The following NETO1 variants were observed in gnomAD, a reference collection of about 807,000 sequenced individuals.
NETO1 encodes the protein neuropilin and tolloid-like protein 1.
NETO1 carries 26 observed loss-of-function variants against 61.3 expected under a neutral mutation model. The ratio of observed to expected loss-of-function variants is 0.42; its 90% CI spans 0.31 to 0.59. The LOEUF is 0.59. Among genes scored for constraint, NETO1 ranks in the 20% least tolerant of loss-of-function variants. The pLI, the probability that NETO1 is intolerant of heterozygous loss-of-function variation, is 0.12. For synonymous variants in NETO1, 225 were observed against 225.8 expected (o/e 1.00, Z 0.03); for missense variants, 531 against 662.8 (o/e 0.80, Z 2.18).
intron 4 of NETO1, among the ~76,000 whole-genome samples, chr18:72,846,211 T>A (rs1437945355): frequency 6.6e-6 from 1 of 150,748 alleles, no homozygotes; most frequent in Admixed American, 6.6e-5. Flanking sequence ...GAGTTGTCAA[T>A]AAAAGAGATG....
rs2074785178 is a variant in NETO1, at chr18:72,867,760, ACGGCAGCGACGGAGCGGG to A, written c.-487_-470del. The A allele has an allele frequency of 6.5e-6, 1 of 154,872 alleles. No homozygotes were observed. The highest frequency in any genetic ancestry group is 1.4e-5 in the Non-Finnish European group (1 of 72,954). The allele number at this position is 154,872 out of a possible 1,614,324, so 9.6% of individuals were successfully genotyped here. ...GCGAGGTGGGGGCCAGTCCAGACCG[ACGGCAGCGACGGAGCGGG>A]CGGCGGCGGCGGCGCCGGCGGCGGC... On this transcript the variant is annotated 5_prime_UTR_variant, in exon 1 of 11. Transcript: ENST00000327305.
chr18:72,802,355 G>A (rs919233095), intron 4 of NETO1, among the ~76,000 whole-genome samples: 4 of 152,086 alleles, frequency 2.6e-5, no homozygotes, highest in East Asian at 1.9e-4. Context: ...ATGAAAAGTC[G>A]GTAAAAGAAA....
intron 4 of NETO1, among the ~76,000 whole-genome samples, chr18:72,828,130 T>C (rs375951203): frequency 6.6e-6 from 1 of 152,166 alleles, no homozygotes; most frequent in Non-Finnish European, 1.5e-5. Flanking sequence ...CAGGCCAATA[T>C]GGCGAAACCC....
chr18:72,753,770 T>G (rs1279050881), intron 8 of NETO1, among the ~76,000 whole-genome samples: 1 of 152,124 alleles, frequency 6.6e-6, no homozygotes, highest in Admixed American at 6.6e-5. Flanking sequence ...ATAGCTTACA[T>G]AAATGCAATA....
rs182460645 is a variant in NETO1, at chr18:72,784,215, G to A, written c.640-309C>T. 8.0e-3 allele frequency among the ~76,000 whole-genome samples: 1,210 copies of A among 151,846 alleles called. 43 individuals carry two copies. The East Asian group carries it at 0.089, about 11-fold the overall frequency. On this transcript the variant is annotated intron_variant, in intron 6 of 10. Coordinates refer to ENST00000327305, the MANE Select transcript of NETO1 (RefSeq NM_138966.5). Reference sequence around the variant, plus strand: ...TACTAGTTTTGCATACTTACACACTGTTTTACTTTGATTAGCAAATGTATT... The same window carrying A: ...TACTAGTTTTGCATACTTACACACTATTTTACTTTGATTAGCAAATGTATT...
chr18:72,754,894 T>C (rs2070735961), intron 8 of NETO1, among the ~76,000 whole-genome samples: 1 of 152,182 alleles, frequency 6.6e-6, no homozygotes, highest in Admixed American at 6.5e-5. Context: ...CAAATACGTA[T>C]TCTTTTCAAG....
At chr18:72,845,382 C>A (rs1181125690) in intron 4 of NETO1, among the ~76,000 whole-genome samples, 1 of 152,046 alleles carries the variant, frequency 6.6e-6, no homozygotes, top group Admixed American at 6.5e-5. Flanking sequence ...CACTGTAGTC[C>A]ATGTTTAACT....
rs554019862 is a variant in NETO1 at position 72,784,134 on chromosome 18, T to C, written c.640-228A>G. Among the ~76,000 whole-genome samples the C allele has an allele frequency of 9.8e-5, 15 of 152,312 alleles. No individual in the cohort carries two copies. In the South Asian group the frequency reaches 2.9e-3, roughly 29 times the overall value. ...ACTTAAATGCACCATTTTCTAGAGCTGAGTATTTTTACCCAAATTCGCTTT... is the reference window on the plus strand; with the variant it reads ...ACTTAAATGCACCATTTTCTAGAGCCGAGTATTTTTACCCAAATTCGCTTT... On this transcript the variant is annotated intron_variant, in intron 6 of 10. Coordinates refer to ENST00000327305, the MANE Select transcript of NETO1 (RefSeq NM_138966.5).
chr18:72,783,585 C>T (rs2071814688), intron 7 of NETO1, 93 bp downstream of exon 7: 2 of 1,021,802 alleles, frequency 2.0e-6, no homozygotes, highest in South Asian at 1.4e-5. Flanking sequence ...GCCTGCTGTG[C>T]TCACTGTGTG....
Position 72,745,652 on chromosome 18 carries a change from G to T in NETO1, c.*2527C>A, listed in dbSNP as rs1231349004. On this transcript the variant is annotated 3_prime_UTR_variant, in exon 11 of 11. Transcript: ENST00000327305. ...CCAAAGGCTGCATTCAGGTGATAAG[G>T]TCTGATATAGCTACTAAATCGTTTT... 2 of 152,200 alleles carry T rather than the reference G, an allele frequency of 1.3e-5. No individual in the cohort carries two copies. Among genetic ancestry groups the T allele is most frequent in the Non-Finnish European group, 2.9e-5 (2 of 68,028 alleles). 9.4% of individuals were successfully genotyped at this position (152,200 alleles called of 1,614,324 possible). A position where few individuals can be genotyped will look rare whatever the true frequency, so the allele number is the denominator to read the frequency against.
chr18:72,818,960 C>A (rs570260254), intron 4 of NETO1, among the ~76,000 whole-genome samples: 15 of 152,228 alleles, frequency 9.9e-5, no homozygotes, highest in African/African-American at 3.4e-4. Flanking sequence ...AAAACACACA[C>A]GTTTAAAATG....
intron 4 of NETO1, among the ~76,000 whole-genome samples, chr18:72,821,559 CAAA>C (rs11420100): frequency 4.6e-5 from 4 of 87,230 alleles, no homozygotes; most frequent in Admixed American, 1.4e-4. Flanking sequence ...GGGTGAAACT[CAAA>C]AAAAAAAAAA....
chr18:72,748,932 A>G (rs1384637682), intron 10 of NETO1, 82 bp downstream of exon 10: 1 of 838,548 alleles, frequency 1.2e-6, no homozygotes, highest in Non-Finnish European at 2.1e-6. Flanking sequence ...GATAAATAGC[A>G]CATTCCCTAA....
At chr18:72,860,175 A>G (rs888917321) in intron 3 of NETO1, among the ~76,000 whole-genome samples, 4 of 152,214 alleles carry the variant, frequency 2.6e-5, no homozygotes, top group Non-Finnish European at 5.9e-5. Flanking sequence ...AAATGTCAAC[A>G]TATATGTATC....
rs1333438509 is a variant in NETO1, at chr18:72,864,848, G to A, written c.180C>T (p.Ser60=). The A allele has an allele frequency of 1.2e-6, 2 of 1,613,858 alleles. No individual in the cohort carries two copies. The highest frequency in any genetic ancestry group is 2.7e-5 in the African/African-American group (2 of 74,862). The part of the protein sequence containing the change: ...GGIFTSPNYP[S]KYPPDRECIY... ...TGCATTCCCGGTCAGGGGGATACTTGCTGGGATAGTTGGGAGAGGTAAAGA... is the reference window on the plus strand; with the variant it reads ...TGCATTCCCGGTCAGGGGGATACTTACTGGGATAGTTGGGAGAGGTAAAGA... The change falls in exon 3 of 11, where the codon AGC becomes AGT. Residue 60 remains serine (S), a synonymous_variant. Coordinates refer to ENST00000327305, the MANE Select transcript of NETO1 (RefSeq NM_138966.5).
At chr18:72,791,859 T>A (rs1440769895) in intron 6 of NETO1, among the ~76,000 whole-genome samples, 1 of 152,228 alleles carries the variant, frequency 6.6e-6, no homozygotes, top group Non-Finnish European at 1.5e-5. Context: ...CTAGCTCTCT[T>A]GTAATACAGG....
At chr18:72,819,065 A>G (rs1397335681) in intron 4 of NETO1, among the ~76,000 whole-genome samples, 1 of 152,174 alleles carries the variant, frequency 6.6e-6, no homozygotes, top group Non-Finnish European at 1.5e-5. Flanking sequence ...ATTAGTTTAT[A>G]AAGCCATGAG....
At chr18:72,766,724 G>T (rs1310258274) in intron 7 of NETO1, among the ~76,000 whole-genome samples, 1 of 152,006 alleles carries the variant, frequency 6.6e-6, no homozygotes, top group African/African-American at 2.4e-5. Context: ...TATTCTTACT[G>T]TTCTGAGAGA....
At chr18:72,832,104 C>T (rs2073600937) in intron 4 of NETO1, among the ~76,000 whole-genome samples, 1 of 152,086 alleles carries the variant, frequency 6.6e-6, no homozygotes, top group Non-Finnish European at 1.5e-5. Context: ...AACTCTAGTG[C>T]TTAGCACATT....
Sources: allele counts gnomAD v4.1 joint callset (sites outside exome capture counted in the v4.1 genomes callset), GRCh38; gene constraint gnomAD v4.1.1; transcripts MANE v1.5; gene names NCBI Gene and HGNC (gene_info 2026-07-23, HGNC 2026-07-21).